The following DRP2 variants were observed in gnomAD, a reference collection of about 807,000 sequenced individuals.
The protein encoded by DRP2 is dystrophin-related protein 2.
Under a neutral mutation model 78.2 loss-of-function variants are expected in DRP2, and 29 were observed. The observed-to-expected ratio is 0.37, with a 90% confidence interval of 0.28 to 0.51. The LOEUF (loss-of-function observed/expected upper bound fraction) is 0.51. DRP2 is among the 20% of genes least tolerant of loss of function. The pLI, the probability that DRP2 is intolerant of heterozygous loss-of-function variation, is 0.94. For synonymous variants in DRP2, 290 were observed against 281.9 expected (o/e 1.03, Z -0.29); for missense variants, 686 against 770.6 (o/e 0.89, Z 1.30).
intron 3 of DRP2, among the ~76,000 whole-genome samples, chrX:101,234,801 G>A (rs953694096): frequency 9.0e-6 from 1 of 110,567 alleles, no homozygotes; most frequent in African/African-American, 3.3e-5. Flanking sequence ...TGGGATGATT[G>A]GTTTCCTAAA....
Position 101,241,675 on chromosome X carries a change from C to T in DRP2, c.567C>T (p.Ser189=), listed in dbSNP as rs377566950. ...EEPHSESKDT[S]PKQRIQNLSR... ...TCCTGCCTCCTCTTGCAGATACCTC[C>T]CCGAAACAGCGGATCCAGAATCTCA... The change falls in exon 7 of 24, where the codon TCC becomes TCT. Residue 189 remains serine (S), a synonymous_variant. Transcript: ENST00000395209. 1 of 1,210,880 alleles carries T rather than the reference C, an allele frequency of 8.3e-7. No homozygotes were observed. The highest frequency in any genetic ancestry group is 1.1e-6 in the Non-Finnish European group (1 of 894,953).
At chrX:101,256,285 C>T in intron 21 of DRP2, 24 bp downstream of exon 21, 1 of 1,149,326 alleles carries the variant, frequency 8.7e-7, no homozygotes, top group East Asian at 3.1e-5. Context: ...TAGCAGAAAT[C>T]TGTGTGGGTT....
chrX:101,236,231 C>T (rs758134891), intron 4 of DRP2, among the ~76,000 whole-genome samples: 7 of 111,811 alleles, frequency 6.3e-5, no homozygotes. Flanking sequence ...TTGTGTCACC[C>T]TGAATACTTT....
rs201882686 is a variant in DRP2 at position 101,231,742 on chromosome X, G to A, written c.95G>A (p.Arg32Gln). 1.5e-4 allele frequency: 185 copies of A among 1,207,740 alleles called. No homozygotes were observed. Among genetic ancestry groups the A allele is most frequent in the Non-Finnish European group, 1.9e-4 (167 of 893,921 alleles). Residue 32 changes from arginine (R) to glutamine (Q), a missense_variant, in exon 3 of 24, where the codon CGA (arginine) becomes CAA (glutamine). Transcript: ENST00000395209. ...CAGTTCCATCATAGCAGCAGCCTCC[G>A]AAGCACCTGCCCCCACCCTCAGGTA... Reference protein sequence around the residue: ...ADQFHHSSSLRSTCPHPQVRA... With the variant: ...ADQFHHSSSLQSTCPHPQVRA...
intron 3 of DRP2, among the ~76,000 whole-genome samples, chrX:101,233,753 C>T (rs1831192977): frequency 8.9e-6 from 1 of 112,026 alleles, no homozygotes; most frequent in Non-Finnish European, 1.9e-5. Flanking sequence ...CAGGGTAGCA[C>T]AGGCAGGACA....
intron 14 of DRP2, among the ~76,000 whole-genome samples, chrX:101,250,218 C>T (rs1006028426): frequency 2.7e-5 from 3 of 111,386 alleles, no homozygotes; most frequent in African/African-American, 9.8e-5. Flanking sequence ...TTGTGTTGGC[C>T]TGATTTTTCT....
rs1923529813 is a variant in DRP2 at position 101,260,870 on chromosome X, C to T, written c.*249C>T. 3.2e-6 allele frequency: 1 copy of T among 310,482 alleles called. No homozygotes were observed. The highest frequency in any genetic ancestry group is 5.5e-6 in the Non-Finnish European group (1 of 181,351). 25.6% of individuals were successfully genotyped at this position (310,482 alleles called of 1,213,427 possible). On this transcript the variant is annotated 3_prime_UTR_variant, in exon 24 of 24. Transcript: ENST00000395209. ...TTAATCTTCAAGTTCGAGATCAGCC[C>T]TTTAAGTACCTTTCTGTTGCAGCCC...
At chrX:101,238,832 C>A in intron 5 of DRP2, 149 bp from the exon 6 acceptor site, 1 of 660,829 alleles carries the variant, frequency 1.5e-6, no homozygotes, top group Non-Finnish European at 2.2e-6. Flanking sequence ...GAGGATTGCA[C>A]GCCTTTTTGT....
In DRP2 at chrX:101,258,387, C is replaced by T; in HGVS notation, c.2469C>T (p.Ser823=). Residue 823 remains serine (S), a synonymous_variant, in exon 22 of 24, where the codon TCC becomes TCT. Coordinates refer to ENST00000395209, the MANE Select transcript of DRP2 (RefSeq NM_001939.3). ...AAEAPSLADG[S]TEAATDHRNE... ...AGGCACCCAGTCTGGCTGACGGCTC[C>T]ACTGAGGCAGCAACAGACCACCGCA... is the stretch of plus-strand genomic sequence containing the variant. The T allele has an allele frequency of 8.3e-7, 1 of 1,205,497 alleles. No individual in the cohort carries two copies. Among genetic ancestry groups the T allele is most frequent in the South Asian group, 1.8e-5 (1 of 55,678 alleles).
intron 20 of DRP2, among the ~76,000 whole-genome samples, chrX:101,255,694 G>A (rs1923312297): frequency 9.0e-6 from 1 of 111,072 alleles, no homozygotes; most frequent in Admixed American, 9.6e-5. Flanking sequence ...CAGAGAAGGG[G>A]CCTTGTGTCT....
At chrX:101,239,250 A>ACCTACT in intron 6 of DRP2, 149 bp downstream of exon 6, 2 of 768,155 alleles carry the variant, frequency 2.6e-6, no homozygotes, top group Non-Finnish European at 3.6e-6. Flanking sequence ...GTTGGGGGGA[A>ACCTACT]GCAAGATTCC....
At chrX:101,239,981 T>A (rs887462013) in intron 6 of DRP2, among the ~76,000 whole-genome samples, 9 of 110,859 alleles carry the variant, frequency 8.1e-5, no homozygotes, top group Non-Finnish European at 1.5e-4. Context: ...AGTTCGAGGC[T>A]GCAGTGAGCT....
chrX:101,236,060 G>A, intron 4 of DRP2, 37 bp downstream of exon 4: 1 of 1,198,137 alleles, frequency 8.3e-7, no homozygotes. Context: ...GGCTTAGATG[G>A]TGTTGGGCTC....
chrX:101,238,871 C>T, intron 5 of DRP2, 110 bp from the exon 6 acceptor site: 1 of 994,363 alleles, frequency 1.0e-6, no homozygotes, highest in Non-Finnish European at 1.4e-6. Flanking sequence ...CCTGATAATG[C>T]CAAAGAATCA....
intron 3 of DRP2, among the ~76,000 whole-genome samples, chrX:101,234,934 A>T (rs998090835): frequency 4.0e-4 from 44 of 111,055 alleles, no homozygotes; most frequent in African/African-American, 1.3e-3. Flanking sequence ...GTAGACAAGC[A>T]GGTAGGCAGG....
chrX:101,247,556 G>A lies in DRP2; in HGVS notation c.1252+392G>A, dbSNP rs1449655916. On this transcript the variant is annotated intron_variant, in intron 12 of 23. Transcript: ENST00000395209. The stretch of plus-strand genomic sequence containing the variant: ...AACAGTGTGGCTGAGGATATAATAT[G>A]CCTTCTGGCCTTTCTCGGAGACACT... 2.7e-5 allele frequency among the ~76,000 whole-genome samples: 3 copies of A among 111,592 alleles called. No homozygotes were observed. In the Admixed American group the frequency reaches 2.9e-4, roughly 11 times the overall value.
At position 101,241,779 on chromosome X, in the gene DRP2, G is replaced by A. The variant is rs748759701; in HGVS notation, c.671G>A (p.Arg224His). 2.1e-5 allele frequency: 25 copies of A among 1,209,895 alleles called. No homozygotes were observed. The highest frequency in any genetic ancestry group is 3.5e-5 in the South Asian group (2 of 56,786). The part of the protein sequence containing the change: ...KLTARCVDQH[R>H]HIERTLEQLL... ...ACAGCCCGCTGTGTGGACCAGCACC[G>A]TCACATTGAGCGGACTCTGGAGCAG... The change falls in exon 7 of 24, where the codon CGT (arginine) becomes CAT (histidine). Residue 224 changes from arginine to histidine, a missense_variant. Arg to His is a conservative substitution (Grantham distance 29). Around this residue, in one of 2 missense-constraint regions of DRP2, gnomAD observed 263 missense variants for 239.1 expected, o/e 1.10. Transcript: ENST00000395209.
intron 10 of DRP2, 43 bp from the exon 11 acceptor site, chrX:101,245,345 T>TG: frequency 2.6e-6 from 3 of 1,137,633 alleles, no homozygotes; most frequent in Non-Finnish European, 3.6e-6. Flanking sequence ...TGGGGGTGGG[T>TG]GGGTGGTATA....
In DRP2 at chrX:101,261,556, AC is replaced by A. The variant is rs1217481213; in HGVS notation, c.*936del. ...CCCACCTCAAGTCTGGAGTAGTATG[AC>A]TGCCATCCAACACCCTTCCAGGCTG... On this transcript the variant is annotated 3_prime_UTR_variant, in exon 24 of 24. Transcript: ENST00000395209. The A allele has an allele frequency of 1.8e-5, 2 of 111,148 alleles. No individual in the cohort carries two copies. The highest frequency in any genetic ancestry group is 6.6e-5 in the African/African-American group (2 of 30,490). The allele number at this position is 111,148 out of a possible 1,213,427, so 9.2% of individuals were successfully genotyped here. A position where few individuals can be genotyped will look rare whatever the true frequency, so the allele number is the denominator to read the frequency against.
Sources: allele counts gnomAD v4.1 joint callset (sites outside exome capture counted in the v4.1 genomes callset), GRCh38; gene constraint gnomAD v4.1.1; regional missense constraint gnomAD v4.1.1; transcripts MANE v1.5; gene names NCBI Gene and HGNC (gene_info 2026-07-23, HGNC 2026-07-21).